The following NTM variants were observed in gnomAD, a reference collection of about 807,000 sequenced individuals.
NTM encodes neurotrimin, also known as IgLON family member 2.
In NTM, 13 loss-of-function variants were observed where a neutral mutation model predicts 42.1. The ratio of observed to expected loss-of-function variants is 0.31; its 90% CI spans 0.20 to 0.49. The LOEUF (loss-of-function observed/expected upper bound fraction) is 0.49. Ranked by LOEUF, NTM falls within the 20% of genes least tolerant of loss-of-function variation. NTM has a pLI of 0.99. For missense variants in NTM, 373 were observed against 452.8 expected, an observed-to-expected ratio of 0.82 and a Z score of 1.60; for synonymous variants, 187 against 179.2, an observed-to-expected ratio of 1.04 and a Z score of -0.35.
chr11:131,794,949 C>T (rs1012154430), intron 1 of NTM: 75 of 985,152 alleles, frequency 7.6e-5, no homozygotes, highest in African/African-American at 1.4e-4. Flanking sequence ...AACCTGAACC[C>T]GCATGTCAGT....
In NTM at chr11:132,335,612, C is replaced by A. The variant is rs2706; in HGVS notation, c.*466C>A. ...GCGGGCACTTTGGTAGACTGTGCCA[C>A]CACGGCGTGTGTTGTGAAACGTGAA... is the stretch of plus-strand genomic sequence containing the variant. On this transcript the variant is annotated 3_prime_UTR_variant, in exon 9 of 9. Transcript: ENST00000683400. 0.13 allele frequency: 20,487 copies of A among 152,892 alleles called. 1,679 individuals carry two copies. Among genetic ancestry groups the A allele is most frequent in the South Asian group, 0.3 (1,429 of 4,812 alleles). The allele number at this position is 152,892 out of a possible 1,614,324, so 9.5% of individuals were successfully genotyped here.
rs568953958 is a variant in NTM, at chr11:132,249,677, G to A, written c.526+37530G>A. 9.8e-5 allele frequency among the ~76,000 whole-genome samples: 15 copies of A among 152,288 alleles called. No individual in the cohort carries two copies. In the South Asian group the frequency reaches 2.7e-3, roughly 27 times the overall value. ...CATGTACAACTATTAAGGTGAGAAA[G>A]GCTGAGAAGTCAGGATCCAGGATTT... On this transcript the variant is annotated intron_variant, in intron 4 of 8. Transcript: ENST00000683400.
chr11:131,847,409 A>G (rs2045040281), intron 1 of NTM, among the ~76,000 whole-genome samples: 1 of 152,104 alleles, frequency 6.6e-6, no homozygotes, highest in Non-Finnish European at 1.5e-5. Context: ...TAAAGCAGGG[A>G]ATGAGATGAG....
chr11:132,101,910 A>G (rs1480535862), intron 2 of NTM, among the ~76,000 whole-genome samples: 1 of 152,178 alleles, frequency 6.6e-6, no homozygotes, highest in Non-Finnish European at 1.5e-5. Flanking sequence ...TTCACATCTA[A>G]GATCCTTGTC....
At chr11:131,918,236 T>C (rs138459627) in intron 2 of NTM, among the ~76,000 whole-genome samples, 239 of 152,252 alleles carry the variant, frequency 1.6e-3, no homozygotes, top group African/African-American at 5.5e-3. Flanking sequence ...GGGCTATGCA[T>C]GCTGAAGGAA....
At chr11:131,710,089 G>C (rs1197266088) in intron 1 of NTM, among the ~76,000 whole-genome samples, 1 of 152,090 alleles carries the variant, frequency 6.6e-6, no homozygotes, top group African/African-American at 2.4e-5. Flanking sequence ...TGCACTGGTG[G>C]GGTCAAAGAG....
chr11:132,024,722 C>T (rs2074923992), intron 2 of NTM, among the ~76,000 whole-genome samples: 1 of 152,184 alleles, frequency 6.6e-6, no homozygotes, highest in Admixed American at 6.5e-5. Flanking sequence ...TCCGGACTTT[C>T]CCTGAAGTTG....
At chr11:131,537,957 A>G (rs889063417) in intron 1 of NTM, 5 of 152,306 alleles carry the variant, frequency 3.3e-5, no homozygotes, top group Non-Finnish European at 5.9e-5. Flanking sequence ...TGGTCCAGCC[A>G]TGCTCGGGCC....
intron 2 of NTM, among the ~76,000 whole-genome samples, chr11:132,031,373 G>A (rs2075896032): frequency 1.3e-5 from 2 of 152,198 alleles, no homozygotes; most frequent in South Asian, 4.1e-4. Context: ...CAAGTTGGAG[G>A]CAAGAAGACC....
At chr11:132,230,189 T>C (rs1354794742) in intron 4 of NTM, among the ~76,000 whole-genome samples, 1 of 152,164 alleles carries the variant, frequency 6.6e-6, no homozygotes, top group Admixed American at 6.5e-5. Flanking sequence ...AGGGATTGAT[T>C]GGAGGGGGAC....
At chr11:131,886,457 A>T (rs1338786833) in intron 1 of NTM, among the ~76,000 whole-genome samples, 1 of 152,220 alleles carries the variant, frequency 6.6e-6, no homozygotes, top group East Asian at 1.9e-4. Flanking sequence ...TTGCTGGGGC[A>T]GCAGTTCATT....
At chr11:132,068,006 C>A (rs144507573) in intron 2 of NTM, among the ~76,000 whole-genome samples, 2,063 of 152,274 alleles carry the variant, frequency 0.014, 25 homozygotes, top group Non-Finnish European at 0.021. Flanking sequence ...TATTATTAGA[C>A]AAAAGGGTCC....
chr11:131,448,534 C>T (rs1950240301), intron 1 of NTM, among the ~76,000 whole-genome samples: 1 of 152,256 alleles, frequency 6.6e-6, no homozygotes, highest in Non-Finnish European at 1.5e-5. Flanking sequence ...CTTATGGGTG[C>T]TCATGGAACT....
intron 2 of NTM, among the ~76,000 whole-genome samples, chr11:132,136,399 A>G (rs2067928059): frequency 6.6e-6 from 1 of 152,220 alleles, no homozygotes; most frequent in Non-Finnish European, 1.5e-5. Flanking sequence ...GCCCACCTCG[A>G]ACCCAGGTGT....
At chr11:132,189,983 G>A (rs984588481) in intron 3 of NTM, among the ~76,000 whole-genome samples, 6 of 152,154 alleles carry the variant, frequency 3.9e-5, no homozygotes, top group African/African-American at 1.2e-4. Context: ...GTACATATAC[G>A]AATAGTTGCT....
At chr11:131,874,430 A>G (rs998145655) in intron 1 of NTM, among the ~76,000 whole-genome samples, 1 of 152,190 alleles carries the variant, frequency 6.6e-6, no homozygotes, top group African/African-American at 2.4e-5. Context: ...ACAACAAAAT[A>G]ACAGTTAAGA....
chr11:131,820,498 AG>A (rs1197133702), intron 1 of NTM, among the ~76,000 whole-genome samples: 1 of 152,230 alleles, frequency 6.6e-6, no homozygotes, highest in African/African-American at 2.4e-5. Context: ...CATATAAAAA[AG>A]GATGAGAGAA....
At chr11:132,231,714 TAGCTATGAGCTGTG>T (rs1020984302) in intron 4 of NTM, among the ~76,000 whole-genome samples, 7 of 152,344 alleles carry the variant, frequency 4.6e-5, no homozygotes, top group Middle Eastern at 3.4e-3. Context: ...AAAGTGAATT[TAGCTATGAGCTGTG>T]AGCTATGAGC....
At chr11:131,606,124 G>A (rs1243912341) in intron 1 of NTM, among the ~76,000 whole-genome samples, 1 of 152,052 alleles carries the variant, frequency 6.6e-6, no homozygotes, top group Admixed American at 6.6e-5. Flanking sequence ...GTTCACTGTA[G>A]CCTCAACCTC....
Sources: allele counts gnomAD v4.1 joint callset (sites outside exome capture counted in the v4.1 genomes callset), GRCh38; gene constraint gnomAD v4.1.1; transcripts MANE v1.5; gene names NCBI Gene and HGNC (gene_info 2026-07-23, HGNC 2026-07-21).